The following ADK variants were observed in gnomAD, a reference collection of about 807,000 sequenced individuals.
ADK encodes adenosine kinase.
Under a neutral mutation model 44.7 loss-of-function variants are expected in ADK, and 24 were observed. That is an observed-to-expected ratio of 0.54 (90% CI 0.39 to 0.76). ADK has a LOEUF of 0.76. Ranked by LOEUF, ADK falls within the 30% of genes least tolerant of loss-of-function variation. The pLI is 0.00. For missense variants in ADK, 321 were observed against 425.1 expected (o/e 0.76, Z 2.15); for synonymous variants, 128 against 142.6 (o/e 0.90, Z 0.73).
At chr10:74,593,180 T>C (rs903048733) in intron 8 of ADK, among the ~76,000 whole-genome samples, 1 of 152,214 alleles carries the variant, frequency 6.6e-6, no homozygotes, top group Non-Finnish European at 1.5e-5. Context: ...CAGGCCCTGC[T>C]GGCTAAGAGA....
At chr10:74,550,105 C>T (rs1849978631) in intron 7 of ADK, among the ~76,000 whole-genome samples, 1 of 145,092 alleles carries the variant, frequency 6.9e-6, no homozygotes, top group African/African-American at 2.6e-5. Flanking sequence ...GAGTCTCATT[C>T]TGTCGCCCAG....
intron 3 of ADK, among the ~76,000 whole-genome samples, chr10:74,248,084 C>T (rs566903360): frequency 1.2e-4 from 18 of 152,166 alleles, no homozygotes; most frequent in East Asian, 7.7e-4. Context: ...AAAGAAACTG[C>T]GTAATTTTAA....
intron 1 of ADK, among the ~76,000 whole-genome samples, chr10:74,186,534 G>C (rs996902659): frequency 6.0e-5 from 9 of 150,226 alleles, no homozygotes; most frequent in African/African-American, 2.2e-4. Flanking sequence ...GAACTCCTGA[G>C]CCCAAGTGAT....
At chr10:74,366,301 C>T (rs1016042720) in intron 4 of ADK, among the ~76,000 whole-genome samples, 1 of 152,044 alleles carries the variant, frequency 6.6e-6, no homozygotes, top group African/African-American at 2.4e-5. Context: ...ATATAGAACA[C>T]TCTGCTTAGC....
intron 4 of ADK, among the ~76,000 whole-genome samples, chr10:74,337,086 T>C (rs1429605343): frequency 6.6e-6 from 1 of 152,212 alleles, no homozygotes; most frequent in Non-Finnish European, 1.5e-5. Flanking sequence ...GTGGGTGGTT[T>C]AACATACATA....
At chr10:74,234,560 T>A (rs2132277654) in intron 3 of ADK, among the ~76,000 whole-genome samples, 1 of 152,318 alleles carries the variant, frequency 6.6e-6, no homozygotes, top group African/African-American at 2.4e-5. Context: ...GAAATTATAT[T>A]TTATAAGTTT....
intron 1 of ADK, among the ~76,000 whole-genome samples, chr10:74,196,773 C>A (rs1843169280): frequency 6.6e-6 from 1 of 152,100 alleles, no homozygotes; most frequent in Non-Finnish European, 1.5e-5. Flanking sequence ...AACAAACCCC[C>A]ATGACACAAG....
chr10:74,653,775 G>A (rs1433445587), intron 9 of ADK, among the ~76,000 whole-genome samples: 1 of 152,176 alleles, frequency 6.6e-6, no homozygotes, highest in African/African-American at 2.4e-5. Context: ...TGTGAATCCA[G>A]TTTAGTTTAT....
At chr10:74,216,033 C>G (rs1844003554) in intron 2 of ADK, among the ~76,000 whole-genome samples, 1 of 152,098 alleles carries the variant, frequency 6.6e-6, no homozygotes, top group South Asian at 2.1e-4. Flanking sequence ...AATACATAAA[C>G]AGCTTCCTTT....
chr10:74,694,475 G>A (rs1856104723), intron 10 of ADK, among the ~76,000 whole-genome samples: 1 of 151,904 alleles, frequency 6.6e-6, no homozygotes, highest in African/African-American at 2.4e-5. Context: ...GGGGGTTTTG[G>A]GGTTTTTTGT....
At chr10:74,264,501 G>A (rs1258283346) in intron 3 of ADK, among the ~76,000 whole-genome samples, 1 of 151,884 alleles carries the variant, frequency 6.6e-6, no homozygotes, top group Non-Finnish European at 1.5e-5. Context: ...TTAAATTACT[G>A]ATTTGCATGA....
intron 3 of ADK, among the ~76,000 whole-genome samples, chr10:74,302,736 C>T (rs549873100): frequency 2.0e-5 from 3 of 152,212 alleles, no homozygotes; most frequent in Non-Finnish European, 2.9e-5. Context: ...GCGGAAGTTG[C>T]AGTGAACCCA....
chr10:74,349,611 C>T (rs1841889658), intron 4 of ADK, among the ~76,000 whole-genome samples: 1 of 152,052 alleles, frequency 6.6e-6, no homozygotes. Context: ...TTAAAAGACA[C>T]GGACTGGCAA....
chr10:74,365,501 A>G (rs1842469962), intron 4 of ADK, among the ~76,000 whole-genome samples: 1 of 152,128 alleles, frequency 6.6e-6, no homozygotes, highest in African/African-American at 2.4e-5. Context: ...GCTATACCAC[A>G]TTTGTTATTC....
chr10:74,592,227 A>G (rs925854225), intron 8 of ADK, among the ~76,000 whole-genome samples: 1 of 152,134 alleles, frequency 6.6e-6, no homozygotes, highest in African/African-American at 2.4e-5. Flanking sequence ...AGAATTTAAA[A>G]TGACAATTCT....
chr10:74,381,727 GT>G (rs1842981578), intron 4 of ADK, among the ~76,000 whole-genome samples: 1 of 152,190 alleles, frequency 6.6e-6, no homozygotes, highest in Non-Finnish European at 1.5e-5. Context: ...GGCTTGTTAT[GT>G]GACTGAGTGA....
intron 4 of ADK, among the ~76,000 whole-genome samples, chr10:74,355,071 C>T (rs1337647266): frequency 2.0e-5 from 3 of 152,272 alleles, no homozygotes; most frequent in South Asian, 4.1e-4. Context: ...TCTGTCTCCT[C>T]CTGTCTTGGT....
At chr10:74,380,419 T>C (rs1476857007) in intron 4 of ADK, among the ~76,000 whole-genome samples, 1 of 152,192 alleles carries the variant, frequency 6.6e-6, no homozygotes, top group Non-Finnish European at 1.5e-5. Flanking sequence ...AATCAGTCAT[T>C]GCATGTTCCT....
chr10:74,370,863 T>G (rs562790354), intron 4 of ADK, among the ~76,000 whole-genome samples: 4 of 152,262 alleles, frequency 2.6e-5, no homozygotes, highest in African/African-American at 9.6e-5. Flanking sequence ...TGTGAGCCAC[T>G]GCACCCAGGC....
Sources: gnomAD v4.1 joint callset for allele counts (sites outside exome capture counted in the v4.1 genomes callset) on GRCh38, gnomAD v4.1.1 for gene constraint, MANE v1.5 for transcripts, NCBI Gene and HGNC (gene_info 2026-07-23, HGNC 2026-07-21) for gene names.